Variants in ULK4 observed in about 807,000 individuals in gnomAD.
ULK4 encodes the protein unc-51 like kinase 4, also known as inactive serine/threonine-protein kinase ULK4.
In ULK4, 133 loss-of-function variants were observed where a neutral mutation model predicts 160.6. The observed-to-expected ratio is 0.83, with a 90% confidence interval of 0.72 to 0.96. The LOEUF (loss-of-function observed/expected upper bound fraction) is 0.96, where lower values mean the gene tolerates loss of function less well. ULK4 is among the 40% of genes least tolerant of loss of function. The pLI is 0.00. For missense variants in ULK4, 1,580 were observed against 1,499.5 expected, an observed-to-expected ratio of 1.05 and a Z score of -0.89; for synonymous variants, 534 against 539.8, an observed-to-expected ratio of 0.99 and a Z score of 0.15.
At chr3:41,708,884 T>G (rs2036994750) in intron 25 of ULK4, among the ~76,000 whole-genome samples, 1 of 152,220 alleles carries the variant, frequency 6.6e-6, no homozygotes, top group African/African-American at 2.4e-5. Context: ...TAAAATTAAA[T>G]TTTAAAATGT....
chr3:41,867,896 T>C (rs925710001), intron 17 of ULK4, among the ~76,000 whole-genome samples: 3 of 152,214 alleles, frequency 2.0e-5, no homozygotes, highest in African/African-American at 7.2e-5. Flanking sequence ...GTTACAAGCA[T>C]TTTTCTTAAT....
intron 21 of ULK4, among the ~76,000 whole-genome samples, chr3:41,789,242 A>C (rs929628572): frequency 1.4e-4 from 21 of 152,204 alleles, no homozygotes; most frequent in African/African-American, 4.3e-4. Context: ...GGGGCTCTAT[A>C]ATTTCAACTG....
chr3:41,650,358 C>A (rs1460648594), intron 30 of ULK4, among the ~76,000 whole-genome samples: 1 of 152,200 alleles, frequency 6.6e-6, no homozygotes, highest in Non-Finnish European at 1.5e-5. Context: ...TGCAGCCCAT[C>A]AAGGAGCCCA....
At chr3:41,338,806 G>T (rs2080621075) in intron 35 of ULK4, among the ~76,000 whole-genome samples, 1 of 151,556 alleles carries the variant, frequency 6.6e-6, no homozygotes. Context: ...AGATGTTATA[G>T]ATTCCAGTAA....
chr3:41,447,112 C>T lies in ULK4; in HGVS notation c.3492+8385G>A, dbSNP rs940974171. ...AAAAAAAAAAAAAAAAAAAAAAAGACAAGACACCTTTAAAAACCTTTTAAT... is the reference window on the plus strand; with the variant it reads ...AAAAAAAAAAAAAAAAAAAAAAAGATAAGACACCTTTAAAAACCTTTTAAT... On this transcript the variant is annotated intron_variant, in intron 34 of 36. Coordinates refer to ENST00000301831, the MANE Select transcript of ULK4 (RefSeq NM_017886.4). Among the ~76,000 whole-genome samples, 405 of 114,194 alleles carry T rather than the reference C, an allele frequency of 3.5e-3. 2 individuals carry two copies. The highest frequency in any genetic ancestry group is 0.012 in the African/African-American group (392 of 32,746). 74.9% of individuals were successfully genotyped at this position (114,194 alleles called of 152,430 possible). A position where few individuals can be genotyped will look rare whatever the true frequency, so the allele number is the denominator to read the frequency against.
chr3:41,825,708 G>A (rs190878310), intron 18 of ULK4, among the ~76,000 whole-genome samples: 7 of 152,360 alleles, frequency 4.6e-5, no homozygotes, highest in Non-Finnish European at 8.8e-5. Flanking sequence ...GTGACAGGGA[G>A]AATGGAACCA....
chr3:41,362,959 A>G (rs528676162), intron 35 of ULK4, among the ~76,000 whole-genome samples: 1 of 152,388 alleles, frequency 6.6e-6, no homozygotes, highest in East Asian at 1.9e-4. Flanking sequence ...GCAGTGATGC[A>G]GTCTCCAGTG....
At chr3:41,871,850 T>C (rs2125693584) in intron 17 of ULK4, among the ~76,000 whole-genome samples, 1 of 152,340 alleles carries the variant, frequency 6.6e-6, no homozygotes, top group South Asian at 2.1e-4. Flanking sequence ...GTCCAATTTA[T>C]TAACTTTTTT....
At chr3:41,319,306 T>C (rs546053733) in intron 35 of ULK4, among the ~76,000 whole-genome samples, 1 of 152,288 alleles carries the variant, frequency 6.6e-6, no homozygotes, top group South Asian at 2.1e-4. Context: ...ACACACAAGA[T>C]GGTCTCCATC....
At chr3:41,653,156 C>T (rs548973248) in intron 30 of ULK4, among the ~76,000 whole-genome samples, 2 of 152,206 alleles carry the variant, frequency 1.3e-5, no homozygotes, top group South Asian at 4.2e-4. Flanking sequence ...TAGCTCATAC[C>T]CACAACCACC....
At chr3:41,935,482 GC>G (rs1699745806) in intron 4 of ULK4, among the ~76,000 whole-genome samples, 1 of 151,832 alleles carries the variant, frequency 6.6e-6, no homozygotes, top group South Asian at 2.1e-4. Flanking sequence ...GCCCGCCTCA[GC>G]CTCCCAATGT....
chr3:41,611,149 G>A (rs576041580), intron 31 of ULK4, among the ~76,000 whole-genome samples: 15 of 152,284 alleles, frequency 9.9e-5, no homozygotes, highest in Admixed American at 3.9e-4. Context: ...TTAAACAAGC[G>A]CAGACTGCCT....
chr3:41,330,556 C>A (rs929305157), intron 35 of ULK4, among the ~76,000 whole-genome samples: 1 of 152,204 alleles, frequency 6.6e-6, no homozygotes, highest in African/African-American at 2.4e-5. Flanking sequence ...AGAAGCTGTA[C>A]ATCACCCTGG....
intron 27 of ULK4, among the ~76,000 whole-genome samples, chr3:41,704,781 T>C (rs2125827162): frequency 6.6e-6 from 1 of 152,142 alleles, no homozygotes; most frequent in East Asian, 1.9e-4. Flanking sequence ...CACTGAAGGT[T>C]TGTACTACCA....
At chr3:41,701,520 G>A (rs1030706701) in intron 27 of ULK4, among the ~76,000 whole-genome samples, 1 of 152,186 alleles carries the variant, frequency 6.6e-6, no homozygotes. Context: ...AAGGAAGAAT[G>A]ACTTTATCAG....
chr3:41,884,519 A>T (rs1349356265), intron 16 of ULK4, among the ~76,000 whole-genome samples: 1 of 152,252 alleles, frequency 6.6e-6, no homozygotes, highest in Non-Finnish European at 1.5e-5. Context: ...ATTAAATGAC[A>T]TTCAATGTGA....
intron 20 of ULK4, among the ~76,000 whole-genome samples, chr3:41,792,912 C>T (rs745752201): frequency 7.9e-5 from 12 of 152,306 alleles, no homozygotes; most frequent in East Asian, 1.9e-4. Context: ...CAGTGGCTCA[C>T]GCCTGCAATC....
At chr3:41,838,742 A>T (rs1246045536) in intron 17 of ULK4, among the ~76,000 whole-genome samples, 1 of 152,234 alleles carries the variant, frequency 6.6e-6, no homozygotes, top group Non-Finnish European at 1.5e-5. Context: ...CAAATATGTG[A>T]AGCAAAAACT....
intron 17 of ULK4, among the ~76,000 whole-genome samples, chr3:41,846,529 G>T (rs1398337303): frequency 1.3e-5 from 2 of 152,020 alleles, no homozygotes; most frequent in African/African-American, 4.8e-5. Flanking sequence ...TTGAGGCCAG[G>T]CGCAGTGGCT....
Sources: gnomAD v4.1 joint callset for allele counts (sites outside exome capture counted in the v4.1 genomes callset) on GRCh38, gnomAD v4.1.1 for gene constraint, MANE v1.5 for transcripts, NCBI Gene and HGNC (gene_info 2026-07-23, HGNC 2026-07-21) for gene names.